Variants in PON3 observed in about 807,000 individuals in gnomAD.
The protein encoded by PON3 is paraoxonase 3.
PON3 carries 37 observed loss-of-function variants against 36.3 expected under a neutral mutation model. The ratio of observed to expected loss-of-function variants is 1.02; its 90% CI spans 0.78 to 1.34. The LOEUF (loss-of-function observed/expected upper bound fraction) is 1.34. PON3 is among the 40% of genes most tolerant of loss of function. The pLI, the probability that PON3 is intolerant of heterozygous loss-of-function variation, is 0.00. For synonymous variants in PON3, 155 were observed against 154.8 expected (o/e 1.00, Z -0.01); for missense variants, 415 against 426.5 (o/e 0.97, Z 0.24).
intron 3 of PON3, among the ~76,000 whole-genome samples, chr7:95,383,776 G>T (rs1406430896): frequency 1.3e-5 from 2 of 152,164 alleles, no homozygotes; most frequent in African/African-American, 2.4e-5. Flanking sequence ...TGGCCATACT[G>T]CCCAAGGTAA....
chr7:95,379,978 A>G (rs1232531304), intron 3 of PON3, among the ~76,000 whole-genome samples: 5 of 152,200 alleles, frequency 3.3e-5, no homozygotes, highest in African/African-American at 7.2e-5. Context: ...GACACCTCAC[A>G]TGGCCAGGTA....
chr7:95,374,581 C>G (rs1286743746), intron 3 of PON3, among the ~76,000 whole-genome samples: 1 of 152,176 alleles, frequency 6.6e-6, no homozygotes. Flanking sequence ...CATCAAATTT[C>G]TTAGAAACAT....
intron 8 of PON3, 80 bp downstream of exon 8, chr7:95,362,282 G>T: frequency 6.4e-7 from 1 of 1,558,508 alleles, no homozygotes; most frequent in Non-Finnish European, 8.8e-7. Flanking sequence ...AAATGTGACT[G>T]GCTTAAATTC....
At chr7:95,362,311 A>C in intron 8 of PON3, 51 bp downstream of exon 8, 1 of 1,609,034 alleles carries the variant, frequency 6.2e-7, no homozygotes, top group Non-Finnish European at 8.5e-7. Flanking sequence ...CACCCCAACA[A>C]ATTTGTTCTT....
At chr7:95,364,209 C>T in intron 5 of PON3, 146 bp from the exon 6 acceptor site, 2 of 701,068 alleles carry the variant, frequency 2.9e-6, no homozygotes, top group South Asian at 3.4e-5. Flanking sequence ...AGGAATTCCA[C>T]AGAAAATCAT....
chr7:95,391,362 T>C (rs2116424207), intron 2 of PON3, among the ~76,000 whole-genome samples: 1 of 152,334 alleles, frequency 6.6e-6, no homozygotes. Context: ...GTGAAAGTCC[T>C]ACTGAAGTAT....
intron 4 of PON3, among the ~76,000 whole-genome samples, chr7:95,369,830 G>T (rs1394880141): frequency 6.6e-6 from 1 of 152,156 alleles, no homozygotes; most frequent in African/African-American, 2.4e-5. Flanking sequence ...GAGGTACATT[G>T]AGAAGAAATA....
In PON3 at chr7:95,394,843, A is replaced by C. The variant is rs149554525; in HGVS notation, c.75-129T>G. On this transcript the variant is annotated intron_variant, in intron 1 of 8. Coordinates refer to ENST00000265627, the MANE Select transcript of PON3 (RefSeq NM_000940.3). ...ATAATTTATGAATGACATAACAAGTAAGTAGGTACTTCCTTTCATGTTTAT... is the reference window on the plus strand; with the variant it reads ...ATAATTTATGAATGACATAACAAGTCAGTAGGTACTTCCTTTCATGTTTAT... 304 of 763,076 alleles carry C rather than the reference A, an allele frequency of 4.0e-4. No homozygotes were observed. The East Asian group carries it at 7.4e-3, about 19-fold the overall frequency. The allele number at this position is 763,076 out of a possible 1,614,324, so 47.3% of individuals were successfully genotyped here. A position where few individuals can be genotyped will look rare whatever the true frequency, so the allele number is the denominator to read the frequency against.
chr7:95,369,700 C>T (rs1325144474), intron 4 of PON3, among the ~76,000 whole-genome samples: 2 of 152,050 alleles, frequency 1.3e-5, no homozygotes, highest in African/African-American at 2.4e-5. Context: ...TGCTTGAACC[C>T]GGGAGGCAGG....
At chr7:95,382,073 G>T (rs1363529266) in intron 3 of PON3, among the ~76,000 whole-genome samples, 1 of 152,178 alleles carries the variant, frequency 6.6e-6, no homozygotes, top group Non-Finnish European at 1.5e-5. Context: ...GAGCTACATG[G>T]AAACTGAACA....
intron 4 of PON3, among the ~76,000 whole-genome samples, chr7:95,368,665 T>C (rs890898593): frequency 1.3e-5 from 2 of 152,160 alleles, no homozygotes; most frequent in African/African-American, 4.8e-5. Flanking sequence ...ATGTAATATT[T>C]TGGCCTTATG....
chr7:95,377,236 T>C (rs1238426735), intron 3 of PON3, among the ~76,000 whole-genome samples: 2 of 152,174 alleles, frequency 1.3e-5, no homozygotes, highest in African/African-American at 2.4e-5. Flanking sequence ...GGCGGTTTTG[T>C]GCTCACAGTG....
rs570474868 is a variant in PON3 at position 95,359,964 on chromosome 7, A to G, written c.*9T>C. On this transcript the variant is annotated 3_prime_UTR_variant, in exon 9 of 9. Transcript: ENST00000265627. ...TAGACTTTTTTTTTTTTTTTTTACT[A>G]TCTAGAGTCTAGAGCTCACAGTACA... The G allele has an allele frequency of 4.5e-6, 7 of 1,569,612 alleles. No homozygotes were observed. Among genetic ancestry groups the G allele is most frequent in the Admixed American group, 1.8e-5 (1 of 54,276 alleles).
chr7:95,362,931 C>T (rs1377787917), intron 6 of PON3, 90 bp from the exon 7 acceptor site: 1 of 906,442 alleles, frequency 1.1e-6, no homozygotes, highest in Non-Finnish European at 1.8e-6. Flanking sequence ...AAAATGCACA[C>T]TCCTTGAAAG....
chr7:95,365,037 C>T (rs1808660824), intron 5 of PON3: 1 of 152,176 alleles, frequency 6.6e-6, no homozygotes, highest in South Asian at 2.1e-4. Context: ...CACTCGGCTA[C>T]TCACCTTTTG....
intron 2 of PON3, among the ~76,000 whole-genome samples, chr7:95,394,417 T>C (rs1004054285): frequency 6.6e-6 from 1 of 152,056 alleles, no homozygotes; most frequent in African/African-American, 2.4e-5. Flanking sequence ...TGACATTCTT[T>C]AGGTAATGTG....
intron 3 of PON3, among the ~76,000 whole-genome samples, chr7:95,377,971 A>G (rs1808957769): frequency 6.6e-6 from 1 of 152,196 alleles, no homozygotes; most frequent in Non-Finnish European, 1.5e-5. Context: ...GAGCTAAAGG[A>G]GCATGTTCTA....
chr7:95,383,347 C>T (rs891762018), intron 3 of PON3, among the ~76,000 whole-genome samples: 10 of 152,064 alleles, frequency 6.6e-5, no homozygotes, highest in Admixed American at 1.3e-4. Flanking sequence ...TGGAAGTTCT[C>T]GCCAAGGCAA....
chr7:95,393,797 GACTAAA>G (rs1186592296), intron 2 of PON3, among the ~76,000 whole-genome samples: 3 of 152,270 alleles, frequency 2.0e-5, no homozygotes, highest in East Asian at 3.9e-4. Flanking sequence ...CCCTTTAACT[GACTAAA>G]AAAGAAGGGC....
Sources: gnomAD v4.1 joint callset for allele counts (sites outside exome capture counted in the v4.1 genomes callset) on GRCh38, gnomAD v4.1.1 for gene constraint, MANE v1.5 for transcripts, NCBI Gene and HGNC (gene_info 2026-07-23, HGNC 2026-07-21) for gene names.